Variants in WDR11 observed in about 807,000 individuals in gnomAD.
The protein encoded by WDR11 is WD repeat-containing protein 11.
A neutral mutation model predicts 151.2 loss-of-function variants in WDR11; 83 were observed. The ratio of observed to expected loss-of-function variants is 0.55; its 90% CI spans 0.46 to 0.66. The LOEUF (loss-of-function observed/expected upper bound fraction) is 0.66. Ranked by LOEUF, WDR11 falls within the 30% of genes least tolerant of loss-of-function variation. The pLI is 0.00. For synonymous variants in WDR11, 484 were observed against 533.1 expected, an observed-to-expected ratio of 0.91 and a Z score of 1.27; for missense variants, 1,301 against 1,480.9, an observed-to-expected ratio of 0.88 and a Z score of 1.99.
chr10:120,857,739 C>T (rs1308892547), intron 2 of WDR11, among the ~76,000 whole-genome samples: 3 of 152,076 alleles, frequency 2.0e-5, no homozygotes, highest in African/African-American at 7.2e-5. Context: ...TAGGTATATA[C>T]ATTTATATGT....
chr10:120,871,125 G>T lies in WDR11; in HGVS notation c.1295-45G>T, dbSNP rs759882126. 45 of 1,594,636 alleles carry T rather than the reference G, an allele frequency of 2.8e-5. 1 individual carries two copies. The South Asian group carries it at 4.9e-4, about 17-fold the overall frequency. On this transcript the variant is annotated intron_variant, in intron 9 of 28. Transcript: ENST00000263461. ...AATTTTCTTTAGCTTTTTAAGATCA[G>T]CATACACTGTAGTTAATATATTTGT... is the stretch of plus-strand genomic sequence containing the variant.
intron 19 of WDR11, among the ~76,000 whole-genome samples, chr10:120,893,329 A>G (rs1564716708): frequency 6.6e-6 from 1 of 152,088 alleles, no homozygotes; most frequent in Non-Finnish European, 1.5e-5. Flanking sequence ...CCATGTCCCT[A>G]CAAATGACAT....
At chr10:120,896,767 T>C (rs950667488) in intron 19 of WDR11, among the ~76,000 whole-genome samples, 1 of 152,092 alleles carries the variant, frequency 6.6e-6, no homozygotes, top group Admixed American at 6.5e-5. Flanking sequence ...AAGGGAGATA[T>C]GGATGGGAAA....
At chr10:120,868,947 A>G (rs950123335) in intron 9 of WDR11, among the ~76,000 whole-genome samples, 5 of 135,426 alleles carry the variant, frequency 3.7e-5, no homozygotes, top group African/African-American at 1.9e-4. Flanking sequence ...TATCAGTAAC[A>G]CAATTTTTTG....
chr10:120,862,175 C>G (rs906976501), intron 4 of WDR11, among the ~76,000 whole-genome samples: 1 of 149,702 alleles, frequency 6.7e-6, no homozygotes, highest in African/African-American at 2.5e-5. Flanking sequence ...GAATCTTGCT[C>G]TGTCACCCGG....
At chr10:120,863,333 C>T (rs1225672490) in intron 5 of WDR11, among the ~76,000 whole-genome samples, 2 of 152,136 alleles carry the variant, frequency 1.3e-5, no homozygotes, top group Non-Finnish European at 2.9e-5. Flanking sequence ...TTTTCTTATG[C>T]AGGTGAAGAT....
At chr10:120,861,577 A>G (rs1196783888) in intron 4 of WDR11, among the ~76,000 whole-genome samples, 1 of 152,184 alleles carries the variant, frequency 6.6e-6, no homozygotes, top group Non-Finnish European at 1.5e-5. Context: ...AGCTCTTTAC[A>G]TCTCTGTAAT....
At chr10:120,890,370 G>A (rs1847388871) in intron 18 of WDR11, among the ~76,000 whole-genome samples, 1 of 151,976 alleles carries the variant, frequency 6.6e-6, no homozygotes, top group Admixed American at 6.5e-5. Flanking sequence ...GTGCCACCAC[G>A]CCCGGCTAAT....
In WDR11 at chr10:120,865,704, A is replaced by G; in HGVS notation, c.954A>G (p.Arg318=). 1.2e-6 allele frequency: 2 copies of G among 1,610,644 alleles called. No homozygotes were observed. Among genetic ancestry groups the G allele is most frequent in the South Asian group, 1.1e-5 (1 of 90,810 alleles). Residue 318 remains arginine (R), a synonymous_variant, in exon 7 of 29, where the codon AGA becomes AGG. Coordinates refer to ENST00000263461, the MANE Select transcript of WDR11 (RefSeq NM_018117.12). Reference sequence around the variant, plus strand: ...GTTGTATAACTTTACGTGTTCGAAGATCTTATAATAACATTTTTACCACTT... The same window carrying G: ...GTTGTATAACTTTACGTGTTCGAAGGTCTTATAATAACATTTTTACCACTT... The part of the protein sequence containing the change: ...ENGCITLRVR[R]SYNNIFTTSN...
rs1013206080 is a variant in WDR11 at position 120,907,215 on chromosome 10, C to T, written c.3517+360C>T. ...AGTACTTTTTCAAGACCAGACATTC[C>T]ATGGAATAAATTTTATATATTTATC... On this transcript the variant is annotated intron_variant, in intron 28 of 28. Coordinates refer to ENST00000263461, the MANE Select transcript of WDR11 (RefSeq NM_018117.12). 3 of 275,866 alleles carry T rather than the reference C, an allele frequency of 1.1e-5. No homozygotes were observed. In the Admixed American group the frequency reaches 1.4e-4, roughly 13 times the overall value. The allele number at this position is 275,866 out of a possible 1,614,324, so 17.1% of individuals were successfully genotyped here.
At chr10:120,901,181 A>T (rs1847800294) in intron 21 of WDR11, 83 bp downstream of exon 21, 17 of 1,250,380 alleles carry the variant, frequency 1.4e-5, no homozygotes, top group Non-Finnish European at 2.0e-5. Context: ...CAAAATTAAA[A>T]TAAGTTACGT....
chr10:120,853,607 G>A (rs550260335), intron 2 of WDR11, among the ~76,000 whole-genome samples: 10 of 152,078 alleles, frequency 6.6e-5, no homozygotes, highest in Admixed American at 6.6e-4. Flanking sequence ...GACCATATTC[G>A]CGTCTTAGAA....
At chr10:120,866,470 G>A in intron 7 of WDR11, 99 bp from the exon 8 acceptor site, 10 of 1,385,166 alleles carry the variant, frequency 7.2e-6, no homozygotes, top group Non-Finnish European at 1.0e-5. Flanking sequence ...TCATGAAGGA[G>A]TGATGCCCAA....
chr10:120,873,652 A>AT (rs1033550214), intron 10 of WDR11, among the ~76,000 whole-genome samples, 187 bp from the exon 11 acceptor site: 32 of 152,074 alleles, frequency 2.1e-4, no homozygotes, highest in African/African-American at 5.8e-4. Flanking sequence ...GGTTAGGCCC[A>AT]TTTTTTTTAT....
At chr10:120,866,462 A>T in intron 7 of WDR11, 107 bp from the exon 8 acceptor site, 1 of 1,274,786 alleles carries the variant, frequency 7.8e-7, no homozygotes. Context: ...CATTGCATTC[A>T]TGAAGGAGTG....
At chr10:120,888,581 CTCTTCACCT>C (rs1454802564) in intron 16 of WDR11, among the ~76,000 whole-genome samples, 4 of 152,254 alleles carry the variant, frequency 2.6e-5, no homozygotes, top group Non-Finnish European at 4.4e-5. Flanking sequence ...TAAACAGCAT[CTCTTCACCT>C]TCATGATTCC....
At chr10:120,861,070 G>T (rs1846119558) in intron 4 of WDR11, among the ~76,000 whole-genome samples, 1 of 152,202 alleles carries the variant, frequency 6.6e-6, no homozygotes, top group South Asian at 2.1e-4. Context: ...AATGGGGGAT[G>T]AGGGCATGCA....
At chr10:120,880,527 C>T (rs552159227) in intron 12 of WDR11, 48 of 345,014 alleles carry the variant, frequency 1.4e-4, no homozygotes, top group African/African-American at 9.6e-4. Context: ...GGCGTGGTGG[C>T]GAGCGCCTGT....
intron 18 of WDR11, 23 bp from the exon 19 acceptor site, chr10:120,890,693 G>A: frequency 2.5e-6 from 4 of 1,614,110 alleles, no homozygotes; most frequent in Non-Finnish European, 3.4e-6. Context: ...GTCTGGAAGT[G>A]ATGCCCAAAT....
Sources: allele counts gnomAD v4.1 joint callset (sites outside exome capture counted in the v4.1 genomes callset), GRCh38; gene constraint gnomAD v4.1.1; transcripts MANE v1.5; gene names NCBI Gene and HGNC (gene_info 2026-07-23, HGNC 2026-07-21).